MIPEP: variants seen among roughly 807,000 people sequenced by gnomAD.
MIPEP encodes mitochondrial intermediate peptidase.
A neutral mutation model predicts 90.3 loss-of-function variants in MIPEP; 79 were observed. That is an observed-to-expected ratio of 0.87 (90% CI 0.73 to 1.05). The LOEUF is 1.05. MIPEP is among the 50% of genes least tolerant of loss of function. MIPEP has a pLI of 0.00. For synonymous variants in MIPEP, 334 were observed against 315.8 expected, an observed-to-expected ratio of 1.06 and a Z score of -0.61; for missense variants, 940 against 905.6, an observed-to-expected ratio of 1.04 and a Z score of -0.49.
intron 14 of MIPEP, among the ~76,000 whole-genome samples, chr13:23,813,273 C>T (rs7319884): frequency 0.37 from 56,808 of 151,958 alleles, 11,288 homozygotes; most frequent in Admixed American, 0.51. Context: ...TTGCCAATCG[C>T]GGCCATGATA....
intron 2 of MIPEP, among the ~76,000 whole-genome samples, chr13:23,885,229 G>T (rs765372491): frequency 2.7e-4 from 41 of 152,098 alleles, no homozygotes; most frequent in Non-Finnish European, 4.0e-4. Flanking sequence ...CTCACTTGTG[G>T]GACCTAAAAA....
chr13:23,826,962 T>A (rs570575416), intron 14 of MIPEP, among the ~76,000 whole-genome samples: 1 of 152,358 alleles, frequency 6.6e-6, no homozygotes, highest in East Asian at 1.9e-4. Flanking sequence ...TTGTCATTAT[T>A]CCCTAAACAA....
At chr13:23,808,920 T>C (rs1273484986) in intron 15 of MIPEP, among the ~76,000 whole-genome samples, 2 of 152,224 alleles carry the variant, frequency 1.3e-5, no homozygotes, top group South Asian at 2.1e-4. Flanking sequence ...TAAATAGTGA[T>C]TACTTTGTTA....
chr13:23,792,625 T>C (rs1009632143), intron 16 of MIPEP, among the ~76,000 whole-genome samples: 4 of 152,246 alleles, frequency 2.6e-5, no homozygotes, highest in South Asian at 2.1e-4. Flanking sequence ...CCCAAAGTGC[T>C]AGGATTACAG....
chr13:23,731,447 C>T (rs1055590624), intron 18 of MIPEP, among the ~76,000 whole-genome samples: 9 of 152,030 alleles, frequency 5.9e-5, no homozygotes, highest in South Asian at 2.1e-4. Context: ...CATATCCATA[C>T]GGCAGAAAAC....
chr13:23,754,869 C>A (rs537662961), intron 18 of MIPEP, among the ~76,000 whole-genome samples: 6 of 152,296 alleles, frequency 3.9e-5, no homozygotes, highest in African/African-American at 1.4e-4. Flanking sequence ...TATTGTTTCA[C>A]TTTTGCCTGG....
In MIPEP at chr13:23,879,279, A is replaced by T; in HGVS notation, c.528T>A (p.Asp176Glu). 1.2e-6 allele frequency: 2 copies of T among 1,600,464 alleles called. No individual in the cohort carries two copies. The highest frequency in any genetic ancestry group is 2.2e-5 in the South Asian group (2 of 90,494). Residue 176 changes from aspartate to glutamate, a missense_variant, in exon 4 of 19, where the codon GAT (aspartate) becomes GAA (glutamate). Coordinates refer to ENST00000382172, the MANE Select transcript of MIPEP (RefSeq NM_005932.4). The stretch of plus-strand genomic sequence containing the variant: ...AAATGAGTGAGTACCTTGTTTCTGG[A>T]TCAAGGGAATCCACAAGTTTTTTAT... Reference protein sequence around the residue: ...LADKKLVDSLDPETRRVAELF... With the variant: ...LADKKLVDSLEPETRRVAELF...
At chr13:23,787,536 C>T (rs1347265915) in intron 16 of MIPEP, among the ~76,000 whole-genome samples, 2 of 152,112 alleles carry the variant, frequency 1.3e-5, no homozygotes, top group Non-Finnish European at 2.9e-5. Context: ...AAAGATCTCC[C>T]AAAGGTCCCA....
intron 9 of MIPEP, among the ~76,000 whole-genome samples, chr13:23,860,705 G>A (rs1172421973): frequency 6.6e-6 from 1 of 152,156 alleles, no homozygotes; most frequent in Non-Finnish European, 1.5e-5. Flanking sequence ...TCAAATAAGT[G>A]TTGACAACCA....
chr13:23,871,039 A>T (rs1870780563), intron 5 of MIPEP, among the ~76,000 whole-genome samples: 1 of 152,132 alleles, frequency 6.6e-6, no homozygotes. Context: ...TCAGGGGGGA[A>T]TAAAGTTCTG....
At chr13:23,795,355 C>T (rs1440637636) in intron 16 of MIPEP, among the ~76,000 whole-genome samples, 2 of 152,188 alleles carry the variant, frequency 1.3e-5, no homozygotes, top group Non-Finnish European at 2.9e-5. Flanking sequence ...CATTTAAAAA[C>T]AGACCCTTAT....
At chr13:23,841,580 A>C (rs1297264798) in intron 10 of MIPEP, 92 bp from the exon 11 acceptor site, 4 of 1,321,318 alleles carry the variant, frequency 3.0e-6, no homozygotes, top group Non-Finnish European at 3.1e-6. Flanking sequence ...ACTTAAGATC[A>C]CTGGAGCTAA....
At chr13:23,767,529 G>A (rs950271195) in intron 16 of MIPEP, among the ~76,000 whole-genome samples, 13 of 151,222 alleles carry the variant, frequency 8.6e-5, no homozygotes, top group African/African-American at 2.9e-4. Context: ...TCGGCTCACT[G>A]TAACCTCCAC....
chr13:23,880,088 G>GT, intron 3 of MIPEP, among the ~76,000 whole-genome samples: 1 of 152,246 alleles, frequency 6.6e-6, no homozygotes, highest in South Asian at 2.1e-4. Flanking sequence ...GGATAAGGTT[G>GT]TAAGAACCAC....
At chr13:23,761,350 G>C (rs1952540407) in intron 16 of MIPEP, among the ~76,000 whole-genome samples, 1 of 152,312 alleles carries the variant, frequency 6.6e-6, no homozygotes, top group South Asian at 2.1e-4. Context: ...AGACAGCCTA[G>C]AGACGGTGGC....
At chr13:23,886,556 C>T (rs746142813) in intron 1 of MIPEP, 50 bp from the exon 2 acceptor site, 8 of 1,425,040 alleles carry the variant, frequency 5.6e-6, no homozygotes, top group Non-Finnish European at 7.5e-6. Context: ...CAAAATTGTG[C>T]TTTTTTTATA....
chr13:23,858,874 C>T lies in MIPEP; in HGVS notation c.1092G>A (p.Val364=), dbSNP rs1870162813. Residue 364 remains valine (V), a synonymous_variant, in exon 10 of 19, where the codon GTG becomes GTA. Coordinates refer to ENST00000382172, the MANE Select transcript of MIPEP (RefSeq NM_005932.4). ...MPWDPPYYSG[V]IRAERYNIEP... ...GAAAAACTTACCTTTCTGCACGAAT[C>T]ACACCACTGTAGTAAGGGGGGTCCC... 1 of 1,613,668 alleles carries T rather than the reference C, an allele frequency of 6.2e-7. No individual in the cohort carries two copies. Among genetic ancestry groups the T allele is most frequent in the Non-Finnish European group, 8.5e-7 (1 of 1,179,652 alleles).
intron 18 of MIPEP, among the ~76,000 whole-genome samples, chr13:23,756,300 G>A (rs1314082574): frequency 2.6e-5 from 4 of 152,000 alleles, no homozygotes; most frequent in Admixed American, 1.3e-4. Flanking sequence ...GATTACAGGC[G>A]TCTGCCACCA....
At chr13:23,757,390 C>T (rs888923654) in intron 17 of MIPEP, among the ~76,000 whole-genome samples, 1 of 152,154 alleles carries the variant, frequency 6.6e-6, no homozygotes, top group Non-Finnish European at 1.5e-5. Context: ...TGGCCCAGTT[C>T]CCAGTACCAG....
Sources: allele counts gnomAD v4.1 joint callset (sites outside exome capture counted in the v4.1 genomes callset), GRCh38; gene constraint gnomAD v4.1.1; transcripts MANE v1.5; gene names NCBI Gene and HGNC (gene_info 2026-07-23, HGNC 2026-07-21).